The following CCSER1 variants were observed in gnomAD, a reference collection of about 807,000 sequenced individuals.
CCSER1 encodes the protein coiled-coil serine rich protein 1.
Under a neutral mutation model 82.0 loss-of-function variants are expected in CCSER1, and 41 were observed. That is an observed-to-expected ratio of 0.50 (90% CI 0.39 to 0.65). The LOEUF (loss-of-function observed/expected upper bound fraction) is 0.65, where lower values mean the gene tolerates loss of function less well. Among genes scored for constraint, CCSER1 ranks in the 30% least tolerant of loss-of-function variants. The probability of loss-of-function intolerance (pLI) is 0.00; values close to 1 mark genes in which losing one functional copy is unlikely to be tolerated. For synonymous variants in CCSER1, 414 were observed against 383.9 expected, an observed-to-expected ratio of 1.08 and a Z score of -0.92; for missense variants, 1,119 against 1,064.2, an observed-to-expected ratio of 1.05 and a Z score of -0.72.
chr4:90,211,254 C>T (rs1426923955), intron 1 of CCSER1, among the ~76,000 whole-genome samples: 1 of 152,080 alleles, frequency 6.6e-6, no homozygotes, highest in Admixed American at 6.5e-5. Context: ...AACTGCAAGC[C>T]CAGAAATTTG....
At chr4:90,183,525 C>T (rs904893494) in intron 1 of CCSER1, among the ~76,000 whole-genome samples, 2 of 152,034 alleles carry the variant, frequency 1.3e-5, no homozygotes, top group Non-Finnish European at 2.9e-5. Context: ...ATCAGTGCTG[C>T]TCTCCCACAG....
intron 10 of CCSER1, among the ~76,000 whole-genome samples, chr4:91,290,241 G>A (rs1177498808): frequency 6.6e-6 from 1 of 151,868 alleles, no homozygotes; most frequent in Non-Finnish European, 1.5e-5. Context: ...ATTAACACTG[G>A]GAGTGGAATG....
At chr4:91,303,517 T>C (rs563356348) in intron 10 of CCSER1, among the ~76,000 whole-genome samples, 40 of 152,120 alleles carry the variant, frequency 2.6e-4, no homozygotes, top group Admixed American at 1.7e-3. Context: ...CAGGCACAGT[T>C]GTTCACACTT....
intron 10 of CCSER1, among the ~76,000 whole-genome samples, chr4:91,159,241 A>G (rs1321886644): frequency 6.6e-6 from 1 of 151,980 alleles, no homozygotes; most frequent in Non-Finnish European, 1.5e-5. Flanking sequence ...GAGTCCTCTT[A>G]TAACTCCGTC....
intron 6 of CCSER1, among the ~76,000 whole-genome samples, chr4:90,704,762 GA>G (rs1313972400): frequency 6.6e-6 from 1 of 152,102 alleles, no homozygotes; most frequent in Non-Finnish European, 1.5e-5. Flanking sequence ...CCAGTTGATT[GA>G]ATTCGCTACT....
intron 10 of CCSER1, among the ~76,000 whole-genome samples, chr4:91,209,169 T>C (rs1736591192): frequency 6.6e-6 from 1 of 152,014 alleles, no homozygotes. Flanking sequence ...CAGTGACAGT[T>C]TGACTTTCTT....
chr4:90,357,394 G>A (rs17016889), intron 3 of CCSER1, among the ~76,000 whole-genome samples: 9,855 of 151,856 alleles, frequency 0.065, 894 homozygotes, highest in African/African-American at 0.21. Flanking sequence ...AATGGTGGAA[G>A]TAAACTTTTC....
At chr4:90,864,037 C>T (rs1765428367) in intron 8 of CCSER1, among the ~76,000 whole-genome samples, 1 of 144,110 alleles carries the variant, frequency 6.9e-6, no homozygotes, top group Non-Finnish European at 1.5e-5. Flanking sequence ...GAGCTGTGCT[C>T]TAATATCACT....
At chr4:91,324,085 TTAAAG>T in intron 10 of CCSER1, among the ~76,000 whole-genome samples, 1 of 152,300 alleles carries the variant, frequency 6.6e-6, no homozygotes, top group Non-Finnish European at 1.5e-5. Flanking sequence ...GGAGATCATC[TTAAAG>T]TAATTTAATC....
chr4:90,411,843 C>T (rs1053769719), intron 4 of CCSER1, among the ~76,000 whole-genome samples: 18 of 152,118 alleles, frequency 1.2e-4, no homozygotes, highest in Admixed American at 1.3e-4. Flanking sequence ...TCCCTGTTTG[C>T]AGATAACATG....
intron 9 of CCSER1, among the ~76,000 whole-genome samples, chr4:90,960,458 C>T (rs1188588478): frequency 3.9e-5 from 6 of 152,188 alleles, no homozygotes; most frequent in Non-Finnish European, 7.3e-5. Context: ...CAGTCTACAT[C>T]ATTAGGTTCA....
rs1025348867 is a variant in CCSER1, at chr4:91,098,347, T to C, written c.2217+12353T>C. On this transcript the variant is annotated intron_variant, in intron 10 of 10. Coordinates refer to ENST00000509176, the MANE Select transcript of CCSER1 (RefSeq NM_001145065.2). Reference sequence around the variant, plus strand: ...TCTGAGAATCAGATAAATTATATTCTGAATTTCAAAGTAACTTGCCAACCT... The same window carrying C: ...TCTGAGAATCAGATAAATTATATTCCGAATTTCAAAGTAACTTGCCAACCT... Among the ~76,000 whole-genome samples the C allele has an allele frequency of 6.6e-5, 10 of 152,334 alleles. No individual in the cohort carries two copies. In the South Asian group the frequency reaches 2.1e-3, roughly 32 times the overall value.
chr4:91,281,658 T>A (rs1581898254), intron 10 of CCSER1, among the ~76,000 whole-genome samples: 1 of 152,344 alleles, frequency 6.6e-6, no homozygotes, highest in South Asian at 2.1e-4. Context: ...AGCAGAATTT[T>A]GTTTAGCTAT....
At chr4:91,236,905 T>G (rs575907576) in intron 10 of CCSER1, among the ~76,000 whole-genome samples, 7 of 152,296 alleles carry the variant, frequency 4.6e-5, no homozygotes, top group African/African-American at 1.7e-4. Context: ...GATAATCAGC[T>G]GTACCTTTTC....
chr4:91,003,991 A>T (rs117416216), intron 9 of CCSER1, among the ~76,000 whole-genome samples: 1 of 152,302 alleles, frequency 6.6e-6, no homozygotes, highest in East Asian at 1.9e-4. Flanking sequence ...CTAGACCTTC[A>T]GGTTCCCCAG....
intron 1 of CCSER1, among the ~76,000 whole-genome samples, chr4:90,243,116 T>G (rs997480156): frequency 6.7e-6 from 1 of 149,568 alleles, no homozygotes; most frequent in African/African-American, 2.5e-5. Context: ...CAGGCTGAAG[T>G]GTAGTGGTGT....
intron 4 of CCSER1, among the ~76,000 whole-genome samples, chr4:90,421,805 ACT>A (rs34486816): frequency 0.019 from 2,869 of 151,876 alleles, 43 homozygotes; most frequent in African/African-American, 0.04. Flanking sequence ...TAGGGGTTGA[ACT>A]CTCTGTTGAT....
At chr4:90,139,730 A>G (rs1036934927) in intron 1 of CCSER1, among the ~76,000 whole-genome samples, 3 of 152,210 alleles carry the variant, frequency 2.0e-5, no homozygotes, top group African/African-American at 7.2e-5. Flanking sequence ...ATGCGGGCAG[A>G]TCACCTGAGG....
At chr4:90,447,260 A>T (rs1342711288) in intron 4 of CCSER1, among the ~76,000 whole-genome samples, 1 of 152,174 alleles carries the variant, frequency 6.6e-6, no homozygotes, top group Non-Finnish European at 1.5e-5. Flanking sequence ...CTAAATAGTG[A>T]CACCAGAGTG....
Sources: allele counts gnomAD v4.1 joint callset (sites outside exome capture counted in the v4.1 genomes callset), GRCh38; gene constraint gnomAD v4.1.1; transcripts MANE v1.5; gene names NCBI Gene and HGNC (gene_info 2026-07-23, HGNC 2026-07-21).